The following LHFPL3 variants were observed in gnomAD, a reference collection of about 807,000 sequenced individuals.
The protein encoded by LHFPL3 is LHFPL tetraspan subfamily member 3 protein.
LHFPL3 carries 5 observed loss-of-function variants against 19.3 expected under a neutral mutation model. The ratio of observed to expected loss-of-function variants is 0.26; its 90% confidence interval spans 0.14 to 0.54. The LOEUF is 0.54. LHFPL3 is among the 20% of genes least tolerant of loss of function. The pLI, the probability that LHFPL3 is intolerant of heterozygous loss-of-function variation, is 0.94. For missense variants in LHFPL3, 249 were observed against 307.4 expected (o/e 0.81, Z 1.42); for synonymous variants, 133 against 126.2 (o/e 1.05, Z -0.36).
intron 1 of LHFPL3, among the ~76,000 whole-genome samples, chr7:104,361,566 C>A (rs557121085): frequency 6.6e-6 from 1 of 152,150 alleles, no homozygotes; most frequent in East Asian, 1.9e-4. Context: ...TGTGAGCCAC[C>A]CTTGGGATTA....
chr7:104,413,597 G>A (rs1305110774), intron 1 of LHFPL3, among the ~76,000 whole-genome samples: 1 of 152,184 alleles, frequency 6.6e-6, no homozygotes, highest in East Asian at 1.9e-4. Context: ...ATGGAACCAG[G>A]TCGTCTGGCT....
intron 1 of LHFPL3, among the ~76,000 whole-genome samples, chr7:104,612,915 G>A (rs965427983): frequency 2.6e-5 from 4 of 152,134 alleles, no homozygotes; most frequent in African/African-American, 9.7e-5. Flanking sequence ...TTTCATATCA[G>A]TGTTTTCCCA....
intron 2 of LHFPL3, among the ~76,000 whole-genome samples, chr7:104,891,944 A>C (rs1291768044): frequency 6.6e-6 from 1 of 152,266 alleles, no homozygotes; most frequent in Non-Finnish European, 1.5e-5. Flanking sequence ...CACTTTGAAC[A>C]CAAATTAATC....
chr7:104,681,888 A>T (rs4624947), intron 1 of LHFPL3, among the ~76,000 whole-genome samples: 70,802 of 151,982 alleles, frequency 0.47, 17,323 homozygotes, highest in East Asian at 0.58. Flanking sequence ...ATATATGTCC[A>T]TGTGACTTGT....
chr7:104,786,635 C>T (rs752052782), intron 2 of LHFPL3: 16 of 151,728 alleles, frequency 1.1e-4, no homozygotes, highest in Non-Finnish European at 1.9e-4. Flanking sequence ...TCTAAACACA[C>T]TAAGATGAAA....
chr7:104,612,262 C>T (rs1299748401), intron 1 of LHFPL3, among the ~76,000 whole-genome samples: 1 of 152,134 alleles, frequency 6.6e-6, no homozygotes, highest in African/African-American at 2.4e-5. Context: ...CCCTCTGAGT[C>T]TCTGTTTTCA....
chr7:104,661,071 T>C (rs1321691280), intron 1 of LHFPL3, among the ~76,000 whole-genome samples: 1 of 152,168 alleles, frequency 6.6e-6, no homozygotes, highest in Non-Finnish European at 1.5e-5. Context: ...AGTATTGAGA[T>C]CCTGTGAGCA....
intron 2 of LHFPL3, among the ~76,000 whole-genome samples, chr7:104,881,770 A>G (rs933660968): frequency 6.6e-6 from 1 of 152,216 alleles, no homozygotes; most frequent in Non-Finnish European, 1.5e-5. Context: ...ATCACGTGCT[A>G]TAGAAAAATC....
chr7:104,413,362 C>T (rs886090319), intron 1 of LHFPL3, among the ~76,000 whole-genome samples: 1 of 152,200 alleles, frequency 6.6e-6, no homozygotes, highest in Non-Finnish European at 1.5e-5. Context: ...CTTTGGTTCC[C>T]CTTCTCTGAA....
intron 1 of LHFPL3, among the ~76,000 whole-genome samples, chr7:104,665,954 C>T (rs548423833): frequency 3.9e-5 from 6 of 152,146 alleles, no homozygotes; most frequent in Non-Finnish European, 8.8e-5. Flanking sequence ...ACCACAAACT[C>T]CAAACTCATT....
At chr7:104,378,556 A>G (rs1027919105) in intron 1 of LHFPL3, among the ~76,000 whole-genome samples, 1 of 152,186 alleles carries the variant, frequency 6.6e-6, no homozygotes, top group African/African-American at 2.4e-5. Context: ...TTGGGTAAAC[A>G]CATAAGAGTA....
intron 1 of LHFPL3, among the ~76,000 whole-genome samples, chr7:104,379,830 G>T (rs571147152): frequency 5.3e-5 from 8 of 152,160 alleles, no homozygotes; most frequent in Non-Finnish European, 1.0e-4. Context: ...CACAGCCTGG[G>T]ACCCTCAGTC....
chr7:104,371,111 G>A (rs1790605180), intron 1 of LHFPL3, among the ~76,000 whole-genome samples: 1 of 151,958 alleles, frequency 6.6e-6, no homozygotes, highest in Non-Finnish European at 1.5e-5. Flanking sequence ...GTGGTCCTGT[G>A]GTCTGATTAG....
intron 1 of LHFPL3, among the ~76,000 whole-genome samples, chr7:104,457,634 A>G (rs1463889801): frequency 6.7e-6 from 1 of 148,600 alleles, no homozygotes; most frequent in Non-Finnish European, 1.5e-5. Flanking sequence ...ATACCCAGTA[A>G]TGGGATGGCT....
intron 2 of LHFPL3, among the ~76,000 whole-genome samples, chr7:104,824,685 AATATATATT>A (rs1296661881): frequency 5.1e-4 from 48 of 95,004 alleles, no homozygotes; most frequent in African/African-American, 6.6e-4. Flanking sequence ...CATTATATAT[AATATATATT>A]ATATATATTA....
rs1584265667 is a variant in LHFPL3, at chr7:104,359,651, T to C, written c.445+30427T>C. On this transcript the variant is annotated intron_variant, in intron 1 of 2. Coordinates refer to ENST00000424859, the MANE Select transcript of LHFPL3 (RefSeq NM_199000.3). ...TGTGGGAGAAAGAATTCTACCCAAT[T>C]CTGTGTCCACAGTCTAGCGGGGAGG... is the stretch of plus-strand genomic sequence containing the variant. Among the ~76,000 whole-genome samples the C allele has an allele frequency of 2.0e-5, 3 of 152,232 alleles. No individual in the cohort carries two copies. In the East Asian group the frequency reaches 5.8e-4, roughly 29 times the overall value.
chr7:104,616,526 A>G (rs562228636), intron 1 of LHFPL3, among the ~76,000 whole-genome samples: 6 of 152,350 alleles, frequency 3.9e-5, no homozygotes, highest in African/African-American at 1.2e-4. Flanking sequence ...ACCTAAAACC[A>G]TAAAAACCCT....
intron 1 of LHFPL3, among the ~76,000 whole-genome samples, chr7:104,516,570 A>C (rs893455698): frequency 6.6e-6 from 1 of 152,166 alleles, no homozygotes; most frequent in African/African-American, 2.4e-5. Context: ...ATCATTAGGG[A>C]AATGTGAATC....
intron 1 of LHFPL3, among the ~76,000 whole-genome samples, chr7:104,579,965 C>G (rs555965006): frequency 6.6e-6 from 1 of 152,242 alleles, no homozygotes; most frequent in African/African-American, 2.4e-5. Flanking sequence ...CTTACAAACT[C>G]AAAATTTAGC....
Sources: allele counts gnomAD v4.1 joint callset (sites outside exome capture counted in the v4.1 genomes callset), GRCh38; gene constraint gnomAD v4.1.1; transcripts MANE v1.5; gene names NCBI Gene and HGNC (gene_info 2026-07-23, HGNC 2026-07-21).